The following RGS9 variants were observed in gnomAD, a reference collection of about 807,000 sequenced individuals.
The protein encoded by RGS9 is regulator of G protein signaling 9.
Under a neutral mutation model 102.0 loss-of-function variants are expected in RGS9, and 78 were observed. The observed-to-expected ratio is 0.76, with a 90% CI of 0.64 to 0.92. The LOEUF is 0.92. RGS9 is among the 40% of genes least tolerant of loss of function. The probability of loss-of-function intolerance (pLI) is 0.00; values close to 1 mark genes in which losing one functional copy is unlikely to be tolerated. For synonymous variants in RGS9, 353 were observed against 318.6 expected (o/e 1.11, Z -1.15); for missense variants, 833 against 866.1 (o/e 0.96, Z 0.48).
At chr17:65,155,685 C>T (rs1382720504) in intron 2 of RGS9, among the ~76,000 whole-genome samples, 1 of 152,034 alleles carries the variant, frequency 6.6e-6, no homozygotes, top group African/African-American at 2.4e-5. Context: ...GGATTACCAG[C>T]TTGAGACTCC....
chr17:65,181,458 T>A (rs1911881206), intron 9 of RGS9, among the ~76,000 whole-genome samples: 1 of 152,204 alleles, frequency 6.6e-6, no homozygotes, highest in Non-Finnish European at 1.5e-5. Flanking sequence ...AGGAGGAAAG[T>A]CATTAGGTTG....
chr17:65,144,147 G>C (rs761829204), intron 1 of RGS9, among the ~76,000 whole-genome samples: 2 of 152,162 alleles, frequency 1.3e-5, no homozygotes, highest in African/African-American at 4.8e-5. Context: ...GCTGGACTCT[G>C]TGTGGCCAGG....
Position 65,225,229 on chromosome 17 carries a change from C to T in RGS9, c.1635C>T (p.Ser545=). ...GLEQKGECSG[S]MAPRGPSVTE... ...AGCAGAAAGGGGAGTGCAGCGGGTC[C>T]ATGGCCCCCCGTGGGCCCTCTGTCA... Residue 545 remains serine (S), a synonymous_variant, in exon 18 of 19, where the codon TCC becomes TCT. Coordinates refer to ENST00000262406, the MANE Select transcript of RGS9 (RefSeq NM_003835.4). 1.2e-6 allele frequency: 2 copies of T among 1,611,672 alleles called. No homozygotes were observed. Among genetic ancestry groups the T allele is most frequent in the Non-Finnish European group, 1.7e-6 (2 of 1,179,996 alleles).
intron 17 of RGS9, among the ~76,000 whole-genome samples, chr17:65,216,405 G>A (rs1036303710): frequency 6.6e-6 from 1 of 152,124 alleles, no homozygotes; most frequent in African/African-American, 2.4e-5. Context: ...TTTGGGAGGC[G>A]GAGGCGGGCT....
intron 9 of RGS9, among the ~76,000 whole-genome samples, chr17:65,183,362 A>T (rs1911974825): frequency 6.6e-6 from 1 of 152,138 alleles, no homozygotes; most frequent in South Asian, 2.1e-4. Flanking sequence ...TCCTCGAGTG[A>T]TCCGCCTGCC....
At chr17:65,183,903 A>C (rs1045647849) in intron 9 of RGS9, among the ~76,000 whole-genome samples, 1 of 152,250 alleles carries the variant, frequency 6.6e-6, no homozygotes, top group Non-Finnish European at 1.5e-5. Context: ...GCCCAGAGCT[A>C]TGTAAACAAC....
chr17:65,227,136 T>G (rs1905722617), intron 18 of RGS9, 139 bp from the exon 19 acceptor site: 92 of 1,072,216 alleles, frequency 8.6e-5, no homozygotes, highest in Non-Finnish European at 1.1e-4. Context: ...GCTCTACCCC[T>G]GAGCTATACC....
chr17:65,171,722 G>T (rs1038587331), intron 8 of RGS9, among the ~76,000 whole-genome samples: 2 of 152,266 alleles, frequency 1.3e-5, no homozygotes, highest in African/African-American at 4.8e-5. Context: ...CCTACCCAGA[G>T]CCCAAAGGAC....
chr17:65,163,493 C>T (rs1911065866), intron 7 of RGS9, among the ~76,000 whole-genome samples: 1 of 152,106 alleles, frequency 6.6e-6, no homozygotes, highest in South Asian at 2.1e-4. Context: ...CGCCTGGACT[C>T]TTTCCTTTTA....
intron 17 of RGS9, among the ~76,000 whole-genome samples, chr17:65,211,287 C>G (rs374506080): frequency 1.3e-5 from 2 of 152,214 alleles, no homozygotes; most frequent in South Asian, 2.1e-4. Flanking sequence ...GACGTTTCTC[C>G]TGTTGAGTTT....
At chr17:65,147,460 G>C (rs980547897) in intron 1 of RGS9, among the ~76,000 whole-genome samples, 1 of 152,154 alleles carries the variant, frequency 6.6e-6, no homozygotes, top group African/African-American at 2.4e-5. Flanking sequence ...TCCTTGGGAA[G>C]GTGGGAGCTT....
At chr17:65,150,234 TG>T (rs973688429) in intron 1 of RGS9, among the ~76,000 whole-genome samples, 3 of 152,238 alleles carry the variant, frequency 2.0e-5, no homozygotes, top group Non-Finnish European at 4.4e-5. Flanking sequence ...GTTCATGTTC[TG>T]TGCTTCTGCT....
chr17:65,153,363 C>A (rs752492118), intron 1 of RGS9, 59 bp from the exon 2 acceptor site: 2 of 1,426,532 alleles, frequency 1.4e-6, no homozygotes, highest in Non-Finnish European at 2.0e-6. Flanking sequence ...GTGGAAATTG[C>A]CCTGCACAAC....
At chr17:65,142,754 T>G (rs1415006965) in intron 1 of RGS9, among the ~76,000 whole-genome samples, 1 of 152,048 alleles carries the variant, frequency 6.6e-6, no homozygotes, top group Admixed American at 6.6e-5. Context: ...GGCTAATTTT[T>G]GTGTTTTTAG....
In RGS9 at chr17:65,197,257, C is replaced by CA. The variant is rs145220078; in HGVS notation, c.976+25dup. The CA allele has an allele frequency of 4.6e-3, 6,840 of 1,491,634 alleles. 213 individuals carry two copies. The African/African-American group carries it at 0.078, about 17-fold the overall frequency. 92.4% of individuals were successfully genotyped at this position (1,491,634 alleles called of 1,614,324 possible). A position where few individuals can be genotyped will look rare whatever the true frequency, so the allele number is the denominator to read the frequency against. ...GAATTCAGTGGTGGGTCTTTGTTTA[C>CA]AAAAAAAAATTAAAATAACTTACTT... On this transcript the variant is annotated intron_variant, in intron 13 of 18. Transcript: ENST00000262406.
intron 2 of RGS9, among the ~76,000 whole-genome samples, chr17:65,156,164 A>G (rs764914911): frequency 1.3e-5 from 2 of 152,274 alleles, no homozygotes; most frequent in South Asian, 2.1e-4. Flanking sequence ...CTAGGATTAC[A>G]GGCACCCACC....
intron 1 of RGS9, among the ~76,000 whole-genome samples, chr17:65,143,393 G>A (rs1289910313): frequency 3.3e-5 from 5 of 152,282 alleles, no homozygotes; most frequent in East Asian, 3.9e-4. Context: ...GATGTTCCAC[G>A]GAGGCAGGAT....
rs141938923 is a variant in RGS9 at position 65,153,460 on chromosome 17, A to C, written c.96A>C (p.Thr32=). 7.4e-6 allele frequency: 12 copies of C among 1,614,216 alleles called. No homozygotes were observed. The East Asian group carries it at 2.0e-4, about 27-fold the overall frequency. The part of the protein sequence containing the change: ...ALVKDMQNPE[T]GVRMQNQRVL... Reference sequence around the variant, plus strand: ...TGAAGGACATGCAGAACCCAGAGACAGGGGTCCGAATGCAGAACCAGAGGG... The same window carrying C: ...TGAAGGACATGCAGAACCCAGAGACCGGGGTCCGAATGCAGAACCAGAGGG... The change falls in exon 2 of 19, where the codon ACA becomes ACC. Residue 32 remains threonine, a synonymous_variant. Coordinates refer to ENST00000262406, the MANE Select transcript of RGS9 (RefSeq NM_003835.4).
intron 17 of RGS9, among the ~76,000 whole-genome samples, chr17:65,216,673 C>T (rs1913534289): frequency 6.6e-6 from 1 of 152,136 alleles, no homozygotes; most frequent in African/African-American, 2.4e-5. Context: ...CTGGATCCTC[C>T]CCCTACTCCT....
Sources: gnomAD v4.1 joint callset for allele counts (sites outside exome capture counted in the v4.1 genomes callset) on GRCh38, gnomAD v4.1.1 for gene constraint, MANE v1.5 for transcripts, NCBI Gene and HGNC (gene_info 2026-07-23, HGNC 2026-07-21) for gene names.